NAALAD2: variants seen among roughly 807,000 people sequenced by gnomAD.
NAALAD2 encodes the protein N-acetylated-alpha-linked acidic dipeptidase 2.
NAALAD2 carries 89 observed loss-of-function variants against 95.6 expected under a neutral mutation model. That is an observed-to-expected ratio of 0.93 (90% CI 0.78 to 1.11). NAALAD2 has a LOEUF of 1.11. NAALAD2 is among the 50% of genes least tolerant of loss of function. NAALAD2 has a pLI of 0.00. For missense variants in NAALAD2, 894 were observed against 872.4 expected (o/e 1.02, Z -0.31); for synonymous variants, 264 against 294.4 (o/e 0.90, Z 1.06).
intron 11 of NAALAD2, among the ~76,000 whole-genome samples, chr11:90,167,871 AGACCAATCGGCTCTCTGTAAAATG>A: frequency 6.6e-6 from 1 of 150,586 alleles, no homozygotes; most frequent in Non-Finnish European, 1.5e-5. Context: ...TCTGTAAAAC[AGACCAATCGGCTCTCTGTAAAATG>A]GACCAGTCAG....
chr11:90,152,927 A>G (rs561036968), intron 6 of NAALAD2, among the ~76,000 whole-genome samples: 82 of 152,254 alleles, frequency 5.4e-4, no homozygotes, highest in African/African-American at 1.9e-3. Flanking sequence ...GAAGTTTTAC[A>G]TATGTGAAAT....
chr11:90,155,491 A>G (rs1471558697), intron 6 of NAALAD2, among the ~76,000 whole-genome samples: 1 of 114,346 alleles, frequency 8.7e-6, no homozygotes, highest in Non-Finnish European at 1.6e-5. Context: ...TATTATATAT[A>G]ATATATTATA....
At chr11:90,178,826 A>G (rs1277340479) in intron 16 of NAALAD2, among the ~76,000 whole-genome samples, 2 of 152,210 alleles carry the variant, frequency 1.3e-5, no homozygotes, top group East Asian at 1.9e-4. Flanking sequence ...GTGTTTGTCT[A>G]TATGAAACAT....
intron 6 of NAALAD2, among the ~76,000 whole-genome samples, chr11:90,155,882 T>A: frequency 6.9e-6 from 1 of 144,124 alleles, no homozygotes; most frequent in South Asian, 2.1e-4. Flanking sequence ...GTAATGTATA[T>A]GTAATATATA....
At chr11:90,187,027 C>G (rs1857166512) in intron 18 of NAALAD2, among the ~76,000 whole-genome samples, 1 of 151,934 alleles carries the variant, frequency 6.6e-6, no homozygotes, top group African/African-American at 2.4e-5. Flanking sequence ...TGAACAGACA[C>G]TTCTCAAAAG....
intron 2 of NAALAD2, 40 bp from the exon 3 acceptor site, chr11:90,147,290 A>G (rs781365628): frequency 4.8e-5 from 72 of 1,503,802 alleles, no homozygotes; most frequent in Middle Eastern, 1.7e-4. Context: ...TCGTCTGAGC[A>G]TAGTCTTTAA....
intron 2 of NAALAD2, among the ~76,000 whole-genome samples, chr11:90,136,656 T>C (rs1246996162): frequency 6.6e-6 from 1 of 152,232 alleles, no homozygotes. Flanking sequence ...TTCCATTGTA[T>C]GGATATATTG....
chr11:90,138,528 A>G (rs1365742283), intron 2 of NAALAD2, among the ~76,000 whole-genome samples: 1 of 152,152 alleles, frequency 6.6e-6, no homozygotes, highest in African/African-American at 2.4e-5. Context: ...GCAGTCTTGA[A>G]TAATGGAAAC....
At chr11:90,177,586 G>GTTTTGTTTTT (rs1952833043) in intron 15 of NAALAD2, among the ~76,000 whole-genome samples, 1 of 28,456 alleles carries the variant, frequency 3.5e-5, no homozygotes, top group Non-Finnish European at 6.2e-5. Context: ...TCTTTTTCTT[G>GTTTTGTTTTT]TTTTTTTTTT....
intron 18 of NAALAD2, 61 bp downstream of exon 18, chr11:90,183,069 G>T (rs971394677): frequency 1.6e-6 from 2 of 1,256,402 alleles, no homozygotes; most frequent in African/African-American, 1.5e-5. Context: ...CCTAAAGTTG[G>T]CTTTAAACTA....
At chr11:90,174,789 A>G (rs535687150) in intron 14 of NAALAD2, among the ~76,000 whole-genome samples, 1 of 151,914 alleles carries the variant, frequency 6.6e-6, no homozygotes, top group East Asian at 1.9e-4. Context: ...TTTCTACTGT[A>G]GTGCCATTTC....
intron 13 of NAALAD2, among the ~76,000 whole-genome samples, chr11:90,172,748 T>C (rs1005887601): frequency 2.6e-5 from 4 of 152,186 alleles, no homozygotes; most frequent in African/African-American, 7.2e-5. Context: ...TCCGCATCTC[T>C]TTTCTGAGTT....
At chr11:90,154,959 C>T (rs1744438666) in intron 6 of NAALAD2, among the ~76,000 whole-genome samples, 1 of 93,770 alleles carries the variant, frequency 1.1e-5, no homozygotes, top group Non-Finnish European at 2.0e-5. Context: ...TATACGTATA[C>T]ATAATATGTA....
intron 16 of NAALAD2, 80 bp from the exon 17 acceptor site, chr11:90,181,539 CA>C (rs1952967812): frequency 1.1e-6 from 1 of 902,464 alleles, no homozygotes. Flanking sequence ...GTGGTCATAT[CA>C]ATCTGGAATG....
intron 2 of NAALAD2, among the ~76,000 whole-genome samples, chr11:90,141,233 A>T (rs1951604878): frequency 6.6e-6 from 1 of 152,180 alleles, no homozygotes; most frequent in Non-Finnish European, 1.5e-5. Flanking sequence ...TTTCATTTAA[A>T]ATATATAATA....
At position 90,177,905 on chromosome 11, in the gene NAALAD2, T is replaced by A. The variant is rs1459031476; in HGVS notation, c.1646T>A (p.Phe549Tyr). The change falls in exon 16 of 19, where the codon TTT becomes TAT. Residue 549 changes from phenylalanine (F) to tyrosine (Y), a missense_variant. Phe to Tyr is a conservative substitution (Grantham distance 22). Coordinates refer to ENST00000534061, the MANE Select transcript of NAALAD2 (RefSeq NM_005467.4). ...GTGTACCACACAATTTATGAGACAT[T>A]TGAATTGGTAGAGAAATTTTATGAC... The part of the protein sequence containing the change: ...YPVYHTIYET[F>Y]ELVEKFYDPT... 2 of 1,613,930 alleles carry A rather than the reference T, an allele frequency of 1.2e-6. No individual in the cohort carries two copies. Among genetic ancestry groups the A allele is most frequent in the African/African-American group, 1.3e-5 (1 of 74,996 alleles).
At chr11:90,142,942 C>T (rs1951656937) in intron 2 of NAALAD2, among the ~76,000 whole-genome samples, 1 of 151,914 alleles carries the variant, frequency 6.6e-6, no homozygotes, top group Non-Finnish European at 1.5e-5. Context: ...CTTAAATTTA[C>T]TACTGTGTCA....
intron 2 of NAALAD2, among the ~76,000 whole-genome samples, chr11:90,141,241 A>G (rs1951605433): frequency 1.3e-5 from 2 of 152,202 alleles, no homozygotes; most frequent in East Asian, 3.8e-4. Flanking sequence ...AAAATATATA[A>G]TAAACACATA....
Position 90,184,524 on chromosome 11 carries a change from G to A in NAALAD2, c.2033+1516G>A, listed in dbSNP as rs182806021. On this transcript the variant is annotated intron_variant, in intron 18 of 18. Coordinates refer to ENST00000534061, the MANE Select transcript of NAALAD2 (RefSeq NM_005467.4). Reference sequence around the variant, plus strand: ...TATTTATATGGATCAAACAAAAGCCGAAAGCCGTATCTACAGTGTTTGTTA... The same window carrying A: ...TATTTATATGGATCAAACAAAAGCCAAAAGCCGTATCTACAGTGTTTGTTA... Among the ~76,000 whole-genome samples, 87 of 152,148 alleles carry A rather than the reference G, an allele frequency of 5.7e-4. 2 individuals carry two copies. The South Asian group carries it at 5.8e-3, about 10-fold the overall frequency.
Sources: allele counts gnomAD v4.1 joint callset (sites outside exome capture counted in the v4.1 genomes callset), GRCh38; gene constraint gnomAD v4.1.1; transcripts MANE v1.5; gene names NCBI Gene and HGNC (gene_info 2026-07-23, HGNC 2026-07-21).